Variants in CARMIL1 observed in about 807,000 individuals in gnomAD.
CARMIL1 encodes the protein capping protein regulator and myosin 1 linker 1.
In CARMIL1, 90 loss-of-function variants were observed where a neutral mutation model predicts 177.1. The ratio of observed to expected loss-of-function variants is 0.51; its 90% CI spans 0.43 to 0.61. The LOEUF is 0.61. Ranked by LOEUF, CARMIL1 falls within the 20% of genes least tolerant of loss-of-function variation. CARMIL1 has a pLI of 0.00. For synonymous variants in CARMIL1, 577 were observed against 606.2 expected (o/e 0.95, Z 0.71); for missense variants, 1,380 against 1,667.0 (o/e 0.83, Z 3.00).
At chr6:25,469,582 G>A (rs577146561) in intron 9 of CARMIL1, among the ~76,000 whole-genome samples, 2 of 152,116 alleles carry the variant, frequency 1.3e-5, no homozygotes, top group East Asian at 3.9e-4. Context: ...GTGTGAAACG[G>A]GGTCTCACTC....
At chr6:25,455,679 C>G (rs55728285) in intron 8 of CARMIL1, among the ~76,000 whole-genome samples, 1 of 152,154 alleles carries the variant, frequency 6.6e-6, no homozygotes, top group Non-Finnish European at 1.5e-5. Context: ...GATTCTTACA[C>G]GGTTCCATTT....
intron 2 of CARMIL1, among the ~76,000 whole-genome samples, chr6:25,310,908 T>A (rs968635284): frequency 2.6e-5 from 4 of 152,114 alleles, no homozygotes; most frequent in African/African-American, 9.7e-5. Flanking sequence ...TAAAATGACT[T>A]CTATAAAACA....
chr6:25,603,231 C>T (rs1283279591), intron 33 of CARMIL1, among the ~76,000 whole-genome samples: 2 of 152,248 alleles, frequency 1.3e-5, no homozygotes, highest in Non-Finnish European at 2.9e-5. Context: ...CAGCCCTGTC[C>T]TGCAGACACT....
At chr6:25,412,793 T>C (rs182611234) in intron 2 of CARMIL1, among the ~76,000 whole-genome samples, 10 of 152,298 alleles carry the variant, frequency 6.6e-5, no homozygotes, top group Admixed American at 1.3e-4. Flanking sequence ...GTTTGACTTA[T>C]AAGCTGTAGT....
chr6:25,518,887 C>A (rs1386171220), intron 22 of CARMIL1, among the ~76,000 whole-genome samples: 1 of 151,998 alleles, frequency 6.6e-6, no homozygotes, highest in Non-Finnish European at 1.5e-5. Context: ...TTGTCAAGGC[C>A]GTAAAAAAGA....
At chr6:25,486,271 G>A (rs1217497377) in intron 12 of CARMIL1, among the ~76,000 whole-genome samples, 4 of 152,188 alleles carry the variant, frequency 2.6e-5, no homozygotes, top group Middle Eastern at 3.4e-3. Flanking sequence ...CCTCATGTGA[G>A]CATGGGATTA....
In CARMIL1 at chr6:25,581,541, A is replaced by C. The variant is rs146666893; in HGVS notation, c.3006+102A>C. On this transcript the variant is annotated intron_variant, in intron 31 of 36. Coordinates refer to ENST00000329474, the MANE Select transcript of CARMIL1 (RefSeq NM_017640.6). The stretch of plus-strand genomic sequence containing the variant: ...AGTGCTTTGCACAAACATGAAAGCT[A>C]TGGTTAAGGAGACTAGAACCTCTTT... 6.7e-4 allele frequency: 714 copies of C among 1,071,466 alleles called. 1 individual carries two copies. In the African/African-American group the frequency reaches 0.011, roughly 16 times the overall value. The allele number at this position is 1,071,466 out of a possible 1,614,324, so 66.4% of individuals were successfully genotyped here.
At chr6:25,362,821 G>A (rs4712920) in intron 2 of CARMIL1, among the ~76,000 whole-genome samples, 72,823 of 151,978 alleles carry the variant, frequency 0.48, 18,072 homozygotes, top group Non-Finnish European at 0.55. Flanking sequence ...CATCACCTGA[G>A]GTCAGGAGTT....
intron 23 of CARMIL1, among the ~76,000 whole-genome samples, chr6:25,528,352 A>G (rs527494077): frequency 4.0e-4 from 61 of 152,292 alleles, no homozygotes; most frequent in African/African-American, 1.5e-3. Context: ...AAGTGCTGAT[A>G]CATTCTACAG....
intron 36 of CARMIL1, among the ~76,000 whole-genome samples, chr6:25,616,809 A>G (rs999917843): frequency 1.3e-5 from 2 of 152,200 alleles, no homozygotes; most frequent in Non-Finnish European, 2.9e-5. Flanking sequence ...AGTTGTTCAC[A>G]TTAGGGATCT....
chr6:25,372,657 GTT>G (rs1410916152), intron 2 of CARMIL1, among the ~76,000 whole-genome samples: 1 of 152,090 alleles, frequency 6.6e-6, no homozygotes, highest in Non-Finnish European at 1.5e-5. Flanking sequence ...AGTCTTTAGG[GTT>G]TTCTAGGTAT....
chr6:25,294,255 G>A (rs1452623761), intron 2 of CARMIL1, among the ~76,000 whole-genome samples: 2 of 152,134 alleles, frequency 1.3e-5, no homozygotes, highest in Non-Finnish European at 2.9e-5. Context: ...TGATCCCTGG[G>A]CCCTGGAGTC....
chr6:25,527,578 G>C, intron 23 of CARMIL1: 2 of 358,040 alleles, frequency 5.6e-6, no homozygotes, highest in Non-Finnish European at 1.1e-5. Context: ...TGCATTGATA[G>C]TCATGTCACC....
intron 8 of CARMIL1, among the ~76,000 whole-genome samples, chr6:25,457,167 G>A (rs1473331999): frequency 1.3e-5 from 2 of 152,036 alleles, no homozygotes; most frequent in African/African-American, 4.8e-5. Flanking sequence ...ATGATATGTT[G>A]GGGATGTGAC....
chr6:25,615,237 A>G (rs893669903), intron 36 of CARMIL1, among the ~76,000 whole-genome samples: 2 of 152,232 alleles, frequency 1.3e-5, no homozygotes, highest in Non-Finnish European at 2.9e-5. Flanking sequence ...TGTTTACACT[A>G]AAACAGCCTT....
intron 8 of CARMIL1, 111 bp downstream of exon 8, chr6:25,450,822 TCCCTCCC>T (rs1798767966): frequency 6.3e-5 from 1 of 15,832 alleles, no homozygotes; most frequent in South Asian, 1.1e-3. Flanking sequence ...CCCCTCCCCT[TCCCTCCC>T]CTTCCCTCCC....
At chr6:25,507,977 T>C (rs1805088681) in intron 17 of CARMIL1, among the ~76,000 whole-genome samples, 1 of 152,116 alleles carries the variant, frequency 6.6e-6, no homozygotes, top group Non-Finnish European at 1.5e-5. Context: ...TTATAAAATA[T>C]AATACGAATA....
intron 17 of CARMIL1, among the ~76,000 whole-genome samples, chr6:25,506,418 C>T (rs774470959): frequency 9.2e-5 from 14 of 152,144 alleles, no homozygotes; most frequent in South Asian, 2.1e-4. Flanking sequence ...TGGTAGTGCA[C>T]GCCTGTAATC....
At chr6:25,530,062 G>A (rs895137704) in intron 24 of CARMIL1, among the ~76,000 whole-genome samples, 1 of 151,858 alleles carries the variant, frequency 6.6e-6, no homozygotes, top group East Asian at 1.9e-4. Flanking sequence ...TTAGAGGACA[G>A]GAAAGAATAG....
Sources: allele counts gnomAD v4.1 joint callset (sites outside exome capture counted in the v4.1 genomes callset), GRCh38; gene constraint gnomAD v4.1.1; transcripts MANE v1.5; gene names NCBI Gene and HGNC (gene_info 2026-07-23, HGNC 2026-07-21).